Variants in DERA observed in about 807,000 individuals in gnomAD.
The protein encoded by DERA is 2-deoxy-D-ribose 5-phosphate aldolase.
Under a neutral mutation model 41.1 loss-of-function variants are expected in DERA, and 15 were observed. The ratio of observed to expected loss-of-function variants is 0.37; its 90% confidence interval spans 0.24 to 0.56. DERA has a LOEUF of 0.56. DERA is among the 20% of genes least tolerant of loss of function. The probability of loss-of-function intolerance (pLI) is 0.81; values close to 1 mark genes in which losing one functional copy is unlikely to be tolerated. For missense variants in DERA, 396 were observed against 403.4 expected (o/e 0.98, Z 0.16); for synonymous variants, 139 against 137.4 (o/e 1.01, Z -0.08).
Position 15,954,264 on chromosome 12 carries a change from C to T in DERA, c.32-2672C>T, listed in dbSNP as rs1322083330. On this transcript the variant is annotated intron_variant, in intron 1 of 8. Coordinates refer to ENST00000428559, the MANE Select transcript of DERA (RefSeq NM_015954.4). The surrounding 1 kb of genome is among the most constrained non-coding windows in gnomAD (Gnocchi z 4.0). ...TCCTTTCTGGTCTTTGGGAACCACT[C>T]GACTTATTTATCGTATGCCACCCGT... is the stretch of plus-strand genomic sequence containing the variant. Among the ~76,000 whole-genome samples, 5 of 152,262 alleles carry T rather than the reference C, an allele frequency of 3.3e-5. No homozygotes were observed. Among genetic ancestry groups the T allele is most frequent in the East Asian group, 3.9e-4 (2 of 5,188 alleles).
chr12:16,037,025 C>G lies in DERA; in HGVS notation c.*279C>G. 2 of 346,808 alleles carry G rather than the reference C, an allele frequency of 5.8e-6. No individual in the cohort carries two copies. Among genetic ancestry groups the G allele is most frequent in the East Asian group, 1.5e-4 (2 of 13,740 alleles). The allele number at this position is 346,808 out of a possible 1,614,324, so 21.5% of individuals were successfully genotyped here. The stretch of plus-strand genomic sequence containing the variant: ...ACTTTAAGTAAAATGTTAATGGTAG[C>G]TTTGATAACATCAAATTCTAAGGGA... On this transcript the variant is annotated 3_prime_UTR_variant, in exon 9 of 9. Transcript: ENST00000428559. The surrounding 1 kb of genome is among the most constrained non-coding windows in gnomAD (Gnocchi z 6.7).
rs371615716 is a variant in DERA, at chr12:15,972,441, G to A, written c.508+9494G>A. 14 of 152,734 alleles carry A rather than the reference G, an allele frequency of 9.2e-5. No homozygotes were observed. In the South Asian group the frequency reaches 2.8e-3, roughly 31 times the overall value. 9.5% of individuals were successfully genotyped at this position (152,734 alleles called of 1,614,324 possible). ...ATCCCAGCCAGCTGGCTGTCCCGCA[G>A]GGCCCCCTTGCAATGCAGCTGTTTA... On this transcript the variant is annotated intron_variant, in intron 5 of 8. Coordinates refer to ENST00000428559, the MANE Select transcript of DERA (RefSeq NM_015954.4). This position sits in a 1 kb window ranked among gnomAD's most constrained non-coding sequence, Gnocchi z 4.4.
rs1315294223 is a variant in DERA, at chr12:15,922,626, C to T, written c.31+11212C>T. Among the ~76,000 whole-genome samples, 2 of 152,126 alleles carry T rather than the reference C, an allele frequency of 1.3e-5. No homozygotes were observed. Among genetic ancestry groups the T allele is most frequent in the African/African-American group, 4.8e-5 (2 of 41,422 alleles). Reference sequence around the variant, plus strand: ...CTTGACAGTAGTTGTTTTTACAGGCCAAGTTGAAATTAGGTATCCTGTGGA... The same window carrying T: ...CTTGACAGTAGTTGTTTTTACAGGCTAAGTTGAAATTAGGTATCCTGTGGA... On this transcript the variant is annotated intron_variant, in intron 1 of 8. Coordinates refer to ENST00000428559, the MANE Select transcript of DERA (RefSeq NM_015954.4). This position sits in a 1 kb window ranked among gnomAD's most constrained non-coding sequence, Gnocchi z 4.9.
Position 15,941,508 on chromosome 12 carries a change from C to T in DERA, c.32-15428C>T, listed in dbSNP as rs1054908292. Among the ~76,000 whole-genome samples the T allele has an allele frequency of 5.3e-5, 8 of 152,094 alleles. No homozygotes were observed. Among genetic ancestry groups the T allele is most frequent in the Non-Finnish European group, 1.2e-4 (8 of 68,012 alleles). On this transcript the variant is annotated intron_variant, in intron 1 of 8. Coordinates refer to ENST00000428559, the MANE Select transcript of DERA (RefSeq NM_015954.4). The surrounding 1 kb of genome is among the most constrained non-coding windows in gnomAD (Gnocchi z 4.5). ...ATGTACGCTGTACCTAATATGTAGT[C>T]TTTTATTCCTCACCCCTCCCTATTC...
At chr12:15,955,823 C>T (rs1051220508) in intron 1 of DERA, among the ~76,000 whole-genome samples, 2 of 152,174 alleles carry the variant, frequency 1.3e-5, no homozygotes, top group Non-Finnish European at 2.9e-5. Flanking sequence ...ATGTGATTAG[C>T]AGTTTTCCTC....
Position 15,993,433 on chromosome 12 carries a change from G to A in DERA, c.637+10997G>A, listed in dbSNP as rs1374431252. On this transcript the variant is annotated intron_variant, in intron 6 of 8. Coordinates refer to ENST00000428559, the MANE Select transcript of DERA (RefSeq NM_015954.4). This position sits in a 1 kb window ranked among gnomAD's most constrained non-coding sequence, Gnocchi z 4.4. Reference sequence around the variant, plus strand: ...AGGCTGCAAGTCTTTGTATACTCAAGGAGTATTGATCCAGATGGCACATCT... The same window carrying A: ...AGGCTGCAAGTCTTTGTATACTCAAAGAGTATTGATCCAGATGGCACATCT... Among the ~76,000 whole-genome samples the A allele has an allele frequency of 6.6e-6, 1 of 151,082 alleles. No homozygotes were observed. Among genetic ancestry groups the A allele is most frequent in the Non-Finnish European group, 1.5e-5 (1 of 67,894 alleles).
At position 16,010,157 on chromosome 12, in the gene DERA, T is replaced by TAC. The variant is rs1412612090; in HGVS notation, c.638-22384_638-22383insCA. On this transcript the variant is annotated intron_variant, in intron 6 of 8. Transcript: ENST00000428559. This position sits in a 1 kb window ranked among gnomAD's most constrained non-coding sequence, Gnocchi z 5.5. ...GGGAAATATAGCATGTGAGCATATA[T>TAC]ATTCGTGGGCAAGGCAGTGCCTTGA... Among the ~76,000 whole-genome samples the TAC allele has an allele frequency of 1.3e-5, 2 of 152,160 alleles. No homozygotes were observed. The highest frequency in any genetic ancestry group is 4.8e-5 in the African/African-American group (2 of 41,438).
chr12:16,006,275 C>T (rs1280974098), intron 6 of DERA, among the ~76,000 whole-genome samples: 1 of 130,710 alleles, frequency 7.7e-6, no homozygotes. Flanking sequence ...AACCCAAAAC[C>T]AGAAACCAAG....
rs1191592526 is a variant in DERA, at chr12:15,936,910, CCTGTCCTGTCCTGTCCTGTCCTGTCTT to C, written c.32-20025_32-19999del. ...CTTGTCCTGTCCTGTCCTGTCCTGT[CCTGTCCTGTCCTGTCCTGTCCTGTCTT>C]GTCCTGTCCCGTCCTGTCCTGCCCT... On this transcript the variant is annotated intron_variant, in intron 1 of 8. Transcript: ENST00000428559. The surrounding 1 kb of genome is among the most constrained non-coding windows in gnomAD (Gnocchi z 4.6). Among the ~76,000 whole-genome samples, 46 of 146,768 alleles carry C rather than the reference CCTGTCCTGTCCTGTCCTGTCCTGTCTT, an allele frequency of 3.1e-4. No homozygotes were observed. Among genetic ancestry groups the C allele is most frequent in the African/African-American group, 1.0e-3 (39 of 38,610 alleles).
chr12:15,912,097 G>A (rs1166326910), intron 1 of DERA, among the ~76,000 whole-genome samples: 2 of 151,652 alleles, frequency 1.3e-5, no homozygotes, highest in African/African-American at 2.4e-5. Flanking sequence ...GGACAGTAGT[G>A]GAGGGAAGGT....
chr12:15,925,715 G>C (rs553695737), intron 1 of DERA, among the ~76,000 whole-genome samples: 6 of 152,004 alleles, frequency 3.9e-5, no homozygotes, highest in Non-Finnish European at 5.9e-5. Context: ...CCTGTGGGAG[G>C]TGCAGTGCAA....
Position 15,999,412 on chromosome 12 carries a change from G to C in DERA, c.637+16976G>C, listed in dbSNP as rs1160227819. Among the ~76,000 whole-genome samples, 2 of 152,200 alleles carry C rather than the reference G, an allele frequency of 1.3e-5. No homozygotes were observed. Among genetic ancestry groups the C allele is most frequent in the African/African-American group, 4.8e-5 (2 of 41,456 alleles). On this transcript the variant is annotated intron_variant, in intron 6 of 8. Coordinates refer to ENST00000428559, the MANE Select transcript of DERA (RefSeq NM_015954.4). This position sits in a 1 kb window ranked among gnomAD's most constrained non-coding sequence, Gnocchi z 5.3. Reference sequence around the variant, plus strand: ...TATGATTTGTCATTTTGGGAAAGCAGGTGATGTGGGGACACGTTTTCCAAG... The same window carrying C: ...TATGATTTGTCATTTTGGGAAAGCACGTGATGTGGGGACACGTTTTCCAAG...
Position 15,965,589 on chromosome 12 carries a change from T to A in DERA, c.508+2642T>A, listed in dbSNP as rs973555267. 2.0e-4 allele frequency among the ~76,000 whole-genome samples: 31 copies of A among 152,132 alleles called. No homozygotes were observed. In the South Asian group the frequency reaches 5.4e-3, roughly 26 times the overall value. ...TTCTCATGGATGTGAGAGTCCACAGTTTAGGGTATGAATTCGAGGAGACTG... is the reference window on the plus strand; with the variant it reads ...TTCTCATGGATGTGAGAGTCCACAGATTAGGGTATGAATTCGAGGAGACTG... On this transcript the variant is annotated intron_variant, in intron 5 of 8. Transcript: ENST00000428559. The surrounding 1 kb of genome is among the most constrained non-coding windows in gnomAD (Gnocchi z 4.1).
chr12:15,921,316 G>A lies in DERA; in HGVS notation c.31+9902G>A, dbSNP rs1324728178. Among the ~76,000 whole-genome samples the A allele has an allele frequency of 3.9e-5, 6 of 152,088 alleles. No individual in the cohort carries two copies. Among genetic ancestry groups the A allele is most frequent in the Admixed American group, 3.9e-4 (6 of 15,278 alleles). On this transcript the variant is annotated intron_variant, in intron 1 of 8. Coordinates refer to ENST00000428559, the MANE Select transcript of DERA (RefSeq NM_015954.4). The surrounding 1 kb of genome is among the most constrained non-coding windows in gnomAD (Gnocchi z 5.3). ...GAAGGATATAATCAGTGTTCTTGAT[G>A]ATTTTGGAAATTGACATAAGGATAT...
At chr12:15,923,714 T>TTC (rs202014304) in intron 1 of DERA, among the ~76,000 whole-genome samples, 1 of 149,244 alleles carries the variant, frequency 6.7e-6, no homozygotes, top group African/African-American at 2.6e-5. Flanking sequence ...TTTTTTTTTT[T>TTC]CATAAAAATA....
rs1268958546 is a variant in DERA at position 15,922,727 on chromosome 12, G to T, written c.31+11313G>T. On this transcript the variant is annotated intron_variant, in intron 1 of 8. Coordinates refer to ENST00000428559, the MANE Select transcript of DERA (RefSeq NM_015954.4). The surrounding 1 kb of genome is among the most constrained non-coding windows in gnomAD (Gnocchi z 4.9). ...TGTGGTTTATCTGGGAAGGATACAG[G>T]ATTGGGACCCAGGCACTTTAGTTGT... is the stretch of plus-strand genomic sequence containing the variant. Among the ~76,000 whole-genome samples the T allele has an allele frequency of 2.0e-5, 3 of 152,186 alleles. No homozygotes were observed. Among genetic ancestry groups the T allele is most frequent in the African/African-American group, 7.2e-5 (3 of 41,438 alleles).
rs761442816 is a variant in DERA at position 16,009,347 on chromosome 12, A to T, written c.638-23195A>T. 6.6e-6 allele frequency among the ~76,000 whole-genome samples: 1 copy of T among 152,152 alleles called. No individual in the cohort carries two copies. Among genetic ancestry groups the T allele is most frequent in the Non-Finnish European group, 1.5e-5 (1 of 68,026 alleles). Reference sequence around the variant, plus strand: ...TTTGTGATGAAAATGTCACCATCAAACCAGTCTTAACTGTTCATCCTATAT... The same window carrying T: ...TTTGTGATGAAAATGTCACCATCAATCCAGTCTTAACTGTTCATCCTATAT... On this transcript the variant is annotated intron_variant, in intron 6 of 8. Transcript: ENST00000428559. This position sits in a 1 kb window ranked among gnomAD's most constrained non-coding sequence, Gnocchi z 5.3.
rs1417433213 is a variant in DERA, at chr12:15,922,785, G to A, written c.31+11371G>A. 6.6e-6 allele frequency among the ~76,000 whole-genome samples: 1 copy of A among 152,116 alleles called. No individual in the cohort carries two copies. The highest frequency in any genetic ancestry group is 1.5e-5 in the Non-Finnish European group (1 of 68,032). ...ATAGCATCTAGCTGTGGAACCTTGC[G>A]GGGTGGGGAGGGGCTTCAGTACATT... On this transcript the variant is annotated intron_variant, in intron 1 of 8. Coordinates refer to ENST00000428559, the MANE Select transcript of DERA (RefSeq NM_015954.4). The surrounding 1 kb of genome is among the most constrained non-coding windows in gnomAD (Gnocchi z 4.9).
intron 6 of DERA, among the ~76,000 whole-genome samples, chr12:15,986,328 T>C (rs1447062207): frequency 6.6e-6 from 1 of 152,226 alleles, no homozygotes; most frequent in Admixed American, 6.5e-5. Context: ...TTACATTTCA[T>C]GTAATTGATA....
Sources: allele counts gnomAD v4.1 joint callset (sites outside exome capture counted in the v4.1 genomes callset), GRCh38; gene constraint gnomAD v4.1.1; non-coding constraint Gnocchi (gnomAD v3.1); transcripts MANE v1.5; gene names NCBI Gene and HGNC (gene_info 2026-07-23, HGNC 2026-07-21).